Variants in CNTNAP2 observed in about 807,000 individuals in gnomAD.
CNTNAP2 encodes the protein contactin associated protein 2.
CNTNAP2 carries 98 observed loss-of-function variants against 155.2 expected under a neutral mutation model. The ratio of observed to expected loss-of-function variants is 0.63; its 90% CI spans 0.54 to 0.75. The LOEUF is 0.75. Among genes scored for constraint, CNTNAP2 ranks in the 30% least tolerant of loss-of-function variants. CNTNAP2 has a pLI of 0.00. For synonymous variants in CNTNAP2, 651 were observed against 631.2 expected (o/e 1.03, Z -0.47); for missense variants, 1,727 against 1,688.1 (o/e 1.02, Z -0.40).
chr7:147,868,007 A>G (rs1799262395), intron 13 of CNTNAP2, among the ~76,000 whole-genome samples: 1 of 152,076 alleles, frequency 6.6e-6, no homozygotes, highest in African/African-American at 2.4e-5. Context: ...AGGAGCTGCA[A>G]TCTTTTGGAG....
intron 13 of CNTNAP2, among the ~76,000 whole-genome samples, chr7:147,890,476 C>T (rs1799671603): frequency 6.6e-6 from 1 of 152,152 alleles, no homozygotes; most frequent in Admixed American, 6.5e-5. Context: ...ATGATCCAGC[C>T]ATCTCTCTAC....
At chr7:146,946,559 A>T (rs879410862) in intron 3 of CNTNAP2, among the ~76,000 whole-genome samples, 19 of 146,784 alleles carry the variant, frequency 1.3e-4, no homozygotes, top group Non-Finnish European at 1.8e-4. Flanking sequence ...TTAGAAAAAA[A>T]TTATTTGAAA....
intron 13 of CNTNAP2, among the ~76,000 whole-genome samples, chr7:147,822,729 A>C (rs1798380918): frequency 6.6e-6 from 1 of 152,164 alleles, no homozygotes; most frequent in African/African-American, 2.4e-5. Context: ...TGCCAAGTGG[A>C]TGTTTCAAAG....
intron 9 of CNTNAP2, among the ~76,000 whole-genome samples, chr7:147,307,613 A>G (rs1795055662): frequency 6.6e-6 from 1 of 152,076 alleles, no homozygotes; most frequent in Non-Finnish European, 1.5e-5. Flanking sequence ...AGGAAATGCC[A>G]TCAATTAAAT....
At chr7:146,424,291 C>T (rs1487725885) in intron 1 of CNTNAP2, among the ~76,000 whole-genome samples, 1 of 152,162 alleles carries the variant, frequency 6.6e-6, no homozygotes, top group Non-Finnish European at 1.5e-5. Context: ...CATAGCCAAA[C>T]TAACGGCTAT....
chr7:147,682,659 C>T (rs569556380), intron 13 of CNTNAP2, among the ~76,000 whole-genome samples: 18 of 151,946 alleles, frequency 1.2e-4, no homozygotes, highest in African/African-American at 4.3e-4. Flanking sequence ...AGCTCACACA[C>T]ATCACACCCA....
chr7:147,999,029 C>G (rs1801854578), intron 15 of CNTNAP2, among the ~76,000 whole-genome samples: 1 of 152,214 alleles, frequency 6.6e-6, no homozygotes, highest in Non-Finnish European at 1.5e-5. Flanking sequence ...GGTTCCACAT[C>G]CAACAACGCT....
intron 12 of CNTNAP2, among the ~76,000 whole-genome samples, chr7:147,637,206 C>G (rs983867979): frequency 2.0e-5 from 3 of 152,132 alleles, no homozygotes; most frequent in Non-Finnish European, 4.4e-5. Context: ...AAAAACCTCA[C>G]CCTGACTCCC....
At chr7:147,606,705 G>T (rs1216482043) in intron 12 of CNTNAP2, among the ~76,000 whole-genome samples, 11 of 152,176 alleles carry the variant, frequency 7.2e-5, no homozygotes, top group Admixed American at 7.2e-4. Flanking sequence ...TGTGATAAAT[G>T]CAAACACAGA....
intron 15 of CNTNAP2, among the ~76,000 whole-genome samples, chr7:148,085,553 C>G (rs1477601576): frequency 6.6e-6 from 1 of 152,124 alleles, no homozygotes; most frequent in African/African-American, 2.4e-5. Flanking sequence ...TTTCAGCTCC[C>G]AAATTGAAAA....
intron 3 of CNTNAP2, among the ~76,000 whole-genome samples, chr7:146,881,114 C>A (rs117284885): frequency 0.026 from 4,002 of 152,196 alleles, 78 homozygotes; most frequent in Middle Eastern, 0.048. Context: ...TGAGCCAAGT[C>A]TGCATTCTTT....
intron 14 of CNTNAP2, among the ~76,000 whole-genome samples, chr7:147,976,131 T>G (rs1050085524): frequency 1.3e-5 from 2 of 152,164 alleles, no homozygotes; most frequent in Non-Finnish European, 2.9e-5. Context: ...ATTGTGAAAA[T>G]TATTCTTAGC....
intron 7 of CNTNAP2, among the ~76,000 whole-genome samples, chr7:147,130,353 G>A (rs1801327862): frequency 6.6e-6 from 1 of 151,990 alleles, no homozygotes; most frequent in Non-Finnish European, 1.5e-5. Context: ...TTGAGAGGCT[G>A]AGGTAGGAGG....
intron 13 of CNTNAP2, among the ~76,000 whole-genome samples, chr7:147,641,878 G>C (rs2116928308): frequency 6.6e-6 from 1 of 152,242 alleles, no homozygotes; most frequent in East Asian, 1.9e-4. Flanking sequence ...ATGGTATTTT[G>C]TTATGGAAGC....
chr7:146,170,018 CTTTTTTTT>C (rs71175637), intron 1 of CNTNAP2, among the ~76,000 whole-genome samples: 1 of 126,970 alleles, frequency 7.9e-6, no homozygotes, highest in African/African-American at 2.9e-5. Flanking sequence ...CCTTTCTTTT[CTTTTTTTT>C]TTTTTTTTTG....
chr7:147,104,158 A>T (rs1800709138), intron 4 of CNTNAP2, among the ~76,000 whole-genome samples: 1 of 152,216 alleles, frequency 6.6e-6, no homozygotes, highest in South Asian at 2.1e-4. Context: ...GGTGAAACAT[A>T]TGAGAATTCT....
intron 1 of CNTNAP2, among the ~76,000 whole-genome samples, chr7:146,161,830 C>A (rs936882536): frequency 3.9e-5 from 6 of 152,114 alleles, no homozygotes; most frequent in African/African-American, 1.2e-4. Flanking sequence ...ACCAATGGAA[C>A]ACAATAGAGC....
At chr7:146,297,427 A>T (rs1800532137) in intron 1 of CNTNAP2, among the ~76,000 whole-genome samples, 1 of 152,160 alleles carries the variant, frequency 6.6e-6, no homozygotes, top group African/African-American at 2.4e-5. Context: ...GAAGAAATAT[A>T]GATGGGTGAT....
chr7:148,062,008 T>TAGAGAGAGA (rs201856851), intron 15 of CNTNAP2, among the ~76,000 whole-genome samples: 37 of 78,598 alleles, frequency 4.7e-4, no homozygotes, highest in African/African-American at 1.5e-3. Flanking sequence ...GATAGATAGA[T>TAGAGAGAGA]GATAGAGAGA....
Sources: gnomAD v4.1 joint callset for allele counts (sites outside exome capture counted in the v4.1 genomes callset) on GRCh38, gnomAD v4.1.1 for gene constraint, MANE v1.5 for transcripts, NCBI Gene and HGNC (gene_info 2026-07-23, HGNC 2026-07-21) for gene names.